The following ATP2B1 variants were observed in gnomAD, a reference collection of about 807,000 sequenced individuals.
ATP2B1 encodes the protein plasma membrane calcium-transporting ATPase 1.
ATP2B1 carries 14 observed loss-of-function variants against 124.2 expected under a neutral mutation model. The ratio of observed to expected loss-of-function variants is 0.11; its 90% CI spans 0.07 to 0.18. The LOEUF (loss-of-function observed/expected upper bound fraction) is 0.18. Among genes scored for constraint, ATP2B1 ranks in the 10% least tolerant of loss-of-function variants. ATP2B1 has a pLI of 1.00. For synonymous variants in ATP2B1, 449 were observed against 492.4 expected (o/e 0.91, Z 1.17); for missense variants, 763 against 1,466.1 (o/e 0.52, Z 7.83).
chr12:89,698,032 G>A (rs963329168), intron 1 of ATP2B1, among the ~76,000 whole-genome samples: 5 of 152,000 alleles, frequency 3.3e-5, no homozygotes, highest in Non-Finnish European at 2.9e-5. Context: ...CACTACGCCC[G>A]GCTAATTTTT....
At chr12:89,604,651 A>G (rs1033774167) in intron 15 of ATP2B1, among the ~76,000 whole-genome samples, 2 of 152,176 alleles carry the variant, frequency 1.3e-5, no homozygotes, top group Admixed American at 1.3e-4. Context: ...ATCTGTTAAT[A>G]AAAAGCAAAC....
At chr12:89,705,498 AC>A (rs1892344395) in intron 1 of ATP2B1, among the ~76,000 whole-genome samples, 1 of 152,160 alleles carries the variant, frequency 6.6e-6, no homozygotes, top group African/African-American at 2.4e-5. Context: ...AGGGAAAAAA[AC>A]CAAATATTAT....
At chr12:89,679,951 A>G (rs1889133706) in intron 1 of ATP2B1, among the ~76,000 whole-genome samples, 1 of 152,098 alleles carries the variant, frequency 6.6e-6, no homozygotes, top group Admixed American at 6.6e-5. Context: ...CAGTAAAGGA[A>G]AAGAAGAGAA....
At chr12:89,687,382 T>C (rs1335828694) in intron 1 of ATP2B1, among the ~76,000 whole-genome samples, 2 of 152,134 alleles carry the variant, frequency 1.3e-5, no homozygotes, top group Admixed American at 6.6e-5. Flanking sequence ...GGCTATACCA[T>C]CTAGGTTTGT....
At chr12:89,707,915 G>A (rs1016871814) in intron 1 of ATP2B1, among the ~76,000 whole-genome samples, 2 of 152,206 alleles carry the variant, frequency 1.3e-5, no homozygotes, top group African/African-American at 2.4e-5. Context: ...TCCTCAAAAA[G>A]GGAGGTGGGG....
intron 1 of ATP2B1, among the ~76,000 whole-genome samples, chr12:89,667,193 C>T (rs1887409735): frequency 6.6e-6 from 1 of 152,110 alleles, no homozygotes; most frequent in African/African-American, 2.4e-5. Context: ...TATGAAGAGC[C>T]ATCTTCTATT....
At chr12:89,671,198 C>G (rs912152679) in intron 1 of ATP2B1, among the ~76,000 whole-genome samples, 1 of 151,920 alleles carries the variant, frequency 6.6e-6, no homozygotes, top group South Asian at 2.1e-4. Context: ...CAAAATGGAG[C>G]CCAGGACTCA....
At chr12:89,625,090 G>A (rs1447550074) in intron 8 of ATP2B1, among the ~76,000 whole-genome samples, 1 of 151,588 alleles carries the variant, frequency 6.6e-6, no homozygotes, top group East Asian at 2.0e-4. Context: ...CAAACATGGT[G>A]AAACCCCATC....
chr12:89,624,610 G>A (rs1398940312), intron 8 of ATP2B1, among the ~76,000 whole-genome samples: 1 of 152,162 alleles, frequency 6.6e-6, no homozygotes, highest in East Asian at 1.9e-4. Flanking sequence ...AGAACTGGGA[G>A]AAAAACACTT....
chr12:89,640,132 G>A (rs1202350652), intron 3 of ATP2B1, among the ~76,000 whole-genome samples: 1 of 152,082 alleles, frequency 6.6e-6, no homozygotes, highest in East Asian at 1.9e-4. Context: ...AATCTTAAAG[G>A]ATATATACAT....
intron 8 of ATP2B1, 27 bp downstream of exon 8, chr12:89,626,427 C>T (rs1007480236): frequency 7.1e-6 from 11 of 1,551,944 alleles, no homozygotes; most frequent in African/African-American, 1.4e-5. Flanking sequence ...AAAAATAAAA[C>T]ACTTTATTTT....
chr12:89,605,824 A>C (rs550337820), intron 15 of ATP2B1, among the ~76,000 whole-genome samples: 1 of 152,332 alleles, frequency 6.6e-6, no homozygotes, highest in African/African-American at 2.4e-5. Context: ...CAGCGAGTGC[A>C]GATTAAAGCA....
At chr12:89,705,550 G>A (rs565977903) in intron 1 of ATP2B1, among the ~76,000 whole-genome samples, 4 of 152,230 alleles carry the variant, frequency 2.6e-5, no homozygotes, top group South Asian at 2.1e-4. Context: ...ATAAGTGGCC[G>A]TTCCTTTTAA....
Position 89,630,541 on chromosome 12 carries a change from C to A in ATP2B1, c.892G>T (p.Glu298Ter). The A allele has an allele frequency of 6.3e-7, 1 of 1,588,056 alleles. No individual in the cohort carries two copies. Among genetic ancestry groups the A allele is most frequent in the South Asian group, 1.2e-5 (1 of 86,458 alleles). ...TTTTTCTTCTCATCTTTCTTCTCTTCCTCTTCACCTCCAGCTCCAAGTAAG... is the reference window on the plus strand; with the variant it reads ...TTTTTCTTCTCATCTTTCTTCTCTTACTCTTCACCTCCAGCTCCAAGTAAG... The part of the protein sequence containing the change: ...FTLLGAGGEE[E>*]EKKDEKKKEK... Residue 298 changes from glutamate to a stop codon, truncating the protein, a stop_gained, in exon 6 of 21, where the codon GAA (glutamate) becomes TAA (stop). Transcript: ENST00000428670. LOFTEE classifies it high-confidence loss of function.
chr12:89,592,388 G>A (rs532713726), intron 20 of ATP2B1, among the ~76,000 whole-genome samples: 6 of 151,940 alleles, frequency 3.9e-5, no homozygotes, highest in East Asian at 3.9e-4. Flanking sequence ...AAAAAGATGC[G>A]GTCACCAAAT....
At position 89,589,380 on chromosome 12, in the gene ATP2B1, G is replaced by C. The variant is rs939844403; in HGVS notation, c.*1604C>G. ...AGAAGGTAGATGAAGGAAAGAAAAAGAGAGCTAAAGAATCCAATTGGCTTA... is the reference window on the plus strand; with the variant it reads ...AGAAGGTAGATGAAGGAAAGAAAAACAGAGCTAAAGAATCCAATTGGCTTA... On this transcript the variant is annotated 3_prime_UTR_variant, in exon 21 of 21. Coordinates refer to ENST00000428670, the MANE Select transcript of ATP2B1 (RefSeq NM_001366521.1). 2.0e-5 allele frequency: 3 copies of C among 152,362 alleles called. No homozygotes were observed. Among genetic ancestry groups the C allele is most frequent in the African/African-American group, 7.2e-5 (3 of 41,436 alleles). The allele number at this position is 152,362 out of a possible 1,614,324, so 9.4% of individuals were successfully genotyped here.
At chr12:89,596,603 G>C (rs1874664524) in intron 20 of ATP2B1, among the ~76,000 whole-genome samples, 1 of 152,014 alleles carries the variant, frequency 6.6e-6, no homozygotes, top group Non-Finnish European at 1.5e-5. Flanking sequence ...TAAAACACTG[G>C]TATCTGCCAT....
intron 2 of ATP2B1, 165 bp downstream of exon 2, chr12:89,655,513 TA>T (rs1885846530): frequency 3.0e-6 from 2 of 656,270 alleles, no homozygotes; most frequent in Non-Finnish European, 2.6e-6. Flanking sequence ...TGTGTTAATA[TA>T]AAAATACTTT....
intron 20 of ATP2B1, among the ~76,000 whole-genome samples, chr12:89,591,693 A>C (rs1286903539): frequency 6.6e-6 from 1 of 152,036 alleles, no homozygotes; most frequent in African/African-American, 2.4e-5. Context: ...AAATAAGTTA[A>C]ACAAAATCAA....
Sources: allele counts gnomAD v4.1 joint callset (sites outside exome capture counted in the v4.1 genomes callset), GRCh38; gene constraint gnomAD v4.1.1; transcripts MANE v1.5; gene names NCBI Gene and HGNC (gene_info 2026-07-23, HGNC 2026-07-21).